EXOC4: variants seen among roughly 807,000 people sequenced by gnomAD.
EXOC4 encodes the protein exocyst complex component 4.
In EXOC4, 71 loss-of-function variants were observed where a neutral mutation model predicts 107.2. The ratio of observed to expected loss-of-function variants is 0.66; its 90% CI spans 0.55 to 0.81. The LOEUF is 0.81. Ranked by LOEUF, EXOC4 falls within the 30% of genes least tolerant of loss-of-function variation. The pLI, the probability that EXOC4 is intolerant of heterozygous loss-of-function variation, is 0.00. For synonymous variants in EXOC4, 456 were observed against 441.2 expected (o/e 1.03, Z -0.42); for missense variants, 1,108 against 1,189.6 (o/e 0.93, Z 1.01).
chr7:133,932,426 A>G (rs1319725343), intron 13 of EXOC4, among the ~76,000 whole-genome samples: 1 of 152,096 alleles, frequency 6.6e-6, no homozygotes, highest in East Asian at 1.9e-4. Flanking sequence ...AGCTTAATTA[A>G]CTCTTTGTTG....
At chr7:133,283,706 C>T (rs1368131938) in intron 2 of EXOC4, among the ~76,000 whole-genome samples, 1 of 152,192 alleles carries the variant, frequency 6.6e-6, no homozygotes, top group East Asian at 1.9e-4. Flanking sequence ...GTATATATCA[C>T]TGAATGTGTT....
intron 10 of EXOC4, among the ~76,000 whole-genome samples, chr7:133,749,346 C>G (rs963743810): frequency 2.0e-5 from 3 of 152,118 alleles, no homozygotes; most frequent in Non-Finnish European, 4.4e-5. Context: ...TATTTAAAAG[C>G]TTTCCGCATA....
chr7:133,337,610 CTTAT>C (rs1447144500), intron 5 of EXOC4, among the ~76,000 whole-genome samples: 14 of 141,144 alleles, frequency 9.9e-5, no homozygotes, highest in Non-Finnish European at 9.3e-5. Flanking sequence ...TTTGTCATTT[CTTAT>C]TTTATTTTCC....
rs761561867 is a variant in EXOC4, at chr7:133,794,791, C to CT, written c.1515-22522dup. On this transcript the variant is annotated intron_variant, in intron 10 of 17. Coordinates refer to ENST00000253861, the MANE Select transcript of EXOC4 (RefSeq NM_021807.4). Reference sequence around the variant, plus strand: ...CAATCAAATCACAATGGATAGTTGTCTTTTTTTTTTTTAATTATACTTTAA... The same window carrying CT: ...CAATCAAATCACAATGGATAGTTGTCTTTTTTTTTTTTTAATTATACTTTAA... Among the ~76,000 whole-genome samples, 176 of 145,226 alleles carry CT rather than the reference C, an allele frequency of 1.2e-3. 2 individuals carry two copies. The highest frequency in any genetic ancestry group is 2.8e-3 in the East Asian group (14 of 4,984).
chr7:133,285,761 G>GT lies in EXOC4; in HGVS notation c.277-3150dup, dbSNP rs58845105. Among the ~76,000 whole-genome samples, 492 of 140,786 alleles carry GT rather than the reference G, an allele frequency of 3.5e-3. 1 individual carries two copies. Among genetic ancestry groups the GT allele is most frequent in the East Asian group, 5.1e-3 (25 of 4,886 alleles). The allele number at this position is 140,786 out of a possible 152,430, so 92.4% of individuals were successfully genotyped here. ...TTTTTTTTCTTTCTTCTTCTTTTTT[G>GT]TTTTTTTTTTTCAAAAGAGCTGGAG... On this transcript the variant is annotated intron_variant, in intron 2 of 17. Transcript: ENST00000253861.
At chr7:133,618,532 C>G (rs1802249336) in intron 9 of EXOC4, among the ~76,000 whole-genome samples, 1 of 152,112 alleles carries the variant, frequency 6.6e-6, no homozygotes, top group Admixed American at 6.5e-5. Flanking sequence ...GTGTGCTAGA[C>G]AAATGTGGAG....
rs553081841 is a variant in EXOC4, at chr7:133,712,108, G to T, written c.1514+81967G>T. On this transcript the variant is annotated intron_variant, in intron 10 of 17. Transcript: ENST00000253861. ...GCCCACTAGGATGGCTGTAACATAAGAATGCAAAATAACAAGTCTTGCCAG... is the reference window on the plus strand; with the variant it reads ...GCCCACTAGGATGGCTGTAACATAATAATGCAAAATAACAAGTCTTGCCAG... Among the ~76,000 whole-genome samples the T allele has an allele frequency of 4.6e-5, 7 of 152,176 alleles. No individual in the cohort carries two copies. The South Asian group carries it at 1.5e-3, about 32-fold the overall frequency.
chr7:133,276,781 A>C (rs1047099222), intron 2 of EXOC4, among the ~76,000 whole-genome samples: 2 of 152,090 alleles, frequency 1.3e-5, no homozygotes, highest in African/African-American at 4.8e-5. Flanking sequence ...TGGCATCTTC[A>C]TGTTTTGTTT....
At chr7:133,715,322 A>C (rs1411853016) in intron 10 of EXOC4, among the ~76,000 whole-genome samples, 2 of 152,158 alleles carry the variant, frequency 1.3e-5, no homozygotes, top group Non-Finnish European at 1.5e-5. Flanking sequence ...TCCAGACTTC[A>C]GTGTTCTCAT....
chr7:133,602,668 G>T (rs1801836440), intron 9 of EXOC4, among the ~76,000 whole-genome samples: 1 of 152,238 alleles, frequency 6.6e-6, no homozygotes, highest in African/African-American at 2.4e-5. Context: ...AGAAGGTAGA[G>T]AAACCCTTCT....
chr7:133,665,725 A>C (rs187309326), intron 10 of EXOC4, among the ~76,000 whole-genome samples: 2 of 152,264 alleles, frequency 1.3e-5, no homozygotes, highest in Admixed American at 1.3e-4. Context: ...AAAATATAGC[A>C]TCTCCATTTG....
intron 17 of EXOC4, among the ~76,000 whole-genome samples, chr7:134,057,682 CAA>C (rs1246639495): frequency 1.5e-4 from 23 of 152,106 alleles, no homozygotes; most frequent in Non-Finnish European, 2.4e-4. Flanking sequence ...AGAGTGTTTT[CAA>C]GTCAATTGCT....
At chr7:133,854,410 A>G (rs565344575) in intron 11 of EXOC4, among the ~76,000 whole-genome samples, 3,007 of 70,292 alleles carry the variant, frequency 0.043, 110 homozygotes, top group African/African-American at 0.13. Context: ...TTGAAAGAGC[A>G]CACACACACA....
At chr7:133,796,363 C>A (rs1460058594) in intron 10 of EXOC4, among the ~76,000 whole-genome samples, 1 of 152,180 alleles carries the variant, frequency 6.6e-6, no homozygotes, top group African/African-American at 2.4e-5. Context: ...GAGAACCACT[C>A]CTCCTGATCA....
chr7:133,953,314 G>C (rs1800736783), intron 14 of EXOC4, among the ~76,000 whole-genome samples: 2 of 152,062 alleles, frequency 1.3e-5, no homozygotes. Flanking sequence ...TGGCCAGGCG[G>C]TGGCCAGGCG....
intron 17 of EXOC4, among the ~76,000 whole-genome samples, chr7:134,062,599 G>A (rs760136128): frequency 9.9e-5 from 15 of 152,106 alleles, no homozygotes; most frequent in East Asian, 1.9e-4. Flanking sequence ...CTGTCCCCTC[G>A]ATCTTGGCAA....
chr7:133,835,773 T>C (rs888267061), intron 11 of EXOC4, among the ~76,000 whole-genome samples: 2 of 152,234 alleles, frequency 1.3e-5, no homozygotes, highest in African/African-American at 4.8e-5. Context: ...ATTATATATT[T>C]ATATTGTCGG....
At chr7:133,485,998 A>G (rs895932319) in intron 9 of EXOC4, among the ~76,000 whole-genome samples, 1 of 152,134 alleles carries the variant, frequency 6.6e-6, no homozygotes, top group Non-Finnish European at 1.5e-5. Flanking sequence ...TTTTTATTCA[A>G]TGATATTACC....
At chr7:134,061,921 C>T (rs73724414) in intron 17 of EXOC4, among the ~76,000 whole-genome samples, 73 of 152,258 alleles carry the variant, frequency 4.8e-4, no homozygotes, top group African/African-American at 1.7e-3. Context: ...GCAAAGTTCA[C>T]GTGAGTTTTA....
Sources: allele counts gnomAD v4.1 joint callset (sites outside exome capture counted in the v4.1 genomes callset), GRCh38; gene constraint gnomAD v4.1.1; transcripts MANE v1.5; gene names NCBI Gene and HGNC (gene_info 2026-07-23, HGNC 2026-07-21).